CHN2: variants seen among roughly 807,000 people sequenced by gnomAD.
The protein encoded by CHN2 is beta-chimaerin.
CHN2 carries 35 observed loss-of-function variants against 56.3 expected under a neutral mutation model. That is an observed-to-expected ratio of 0.62 (90% CI 0.47 to 0.82). CHN2 has a LOEUF of 0.82. Ranked by LOEUF, CHN2 falls within the 40% of genes least tolerant of loss-of-function variation. CHN2 has a pLI of 0.00. For synonymous variants in CHN2, 210 were observed against 212.8 expected (o/e 0.99, Z 0.12); for missense variants, 491 against 580.5 (o/e 0.85, Z 1.58).
chr7:29,405,223 G>A (rs1047919787), intron 6 of CHN2, among the ~76,000 whole-genome samples: 6 of 44,592 alleles, frequency 1.3e-4, no homozygotes, highest in Admixed American at 2.3e-4. Flanking sequence ...ACACACACAC[G>A]GCAGTTCCAA....
chr7:29,459,841 T>G (rs1439654587), intron 6 of CHN2, among the ~76,000 whole-genome samples: 2 of 152,126 alleles, frequency 1.3e-5, no homozygotes, highest in Non-Finnish European at 2.9e-5. Flanking sequence ...AAAGCTTGTC[T>G]ATCGTTACCA....
At chr7:29,147,322 T>G in intron 2 of CHN2, 1 of 205,276 alleles carries the variant, frequency 4.9e-6, no homozygotes, top group Non-Finnish European at 9.8e-6. Flanking sequence ...TTCTGCACTG[T>G]CCCGGGCCAA....
chr7:29,339,758 C>T (rs574162146), intron 1 of CHN2, among the ~76,000 whole-genome samples: 1 of 151,744 alleles, frequency 6.6e-6, no homozygotes, highest in Non-Finnish European at 1.5e-5. Flanking sequence ...GAGGCTAAGG[C>T]AGGAGAATCA....
At chr7:29,254,124 C>T (rs1445032676) in intron 1 of CHN2, among the ~76,000 whole-genome samples, 3 of 152,130 alleles carry the variant, frequency 2.0e-5, no homozygotes, top group African/African-American at 4.8e-5. Context: ...AGGCTGGTTT[C>T]GAACTCCTGA....
chr7:29,262,094 G>A (rs1789601152), intron 1 of CHN2, among the ~76,000 whole-genome samples: 1 of 152,164 alleles, frequency 6.6e-6, no homozygotes, highest in Non-Finnish European at 1.5e-5. Context: ...CTTGAATCTG[G>A]AAGGCAGAGG....
intron 2 of CHN2, among the ~76,000 whole-genome samples, chr7:29,159,930 C>T (rs1794950124): frequency 6.6e-6 from 1 of 152,140 alleles, no homozygotes; most frequent in Admixed American, 6.5e-5. Context: ...TTAATTGTCC[C>T]CAAATGGCAT....
chr7:29,481,477 A>G (rs1291102470), intron 7 of CHN2, among the ~76,000 whole-genome samples: 1 of 152,168 alleles, frequency 6.6e-6, no homozygotes, highest in East Asian at 1.9e-4. Context: ...GTTTTTAGAA[A>G]GCCAGCAGCT....
At chr7:29,502,412 A>G (rs891909763) in intron 9 of CHN2, among the ~76,000 whole-genome samples, 12 of 152,200 alleles carry the variant, frequency 7.9e-5, no homozygotes, top group African/African-American at 2.4e-4. Flanking sequence ...CATTCCTTCA[A>G]GGCCACAGAA....
At chr7:29,263,905 C>T (rs1179993658) in intron 1 of CHN2, among the ~76,000 whole-genome samples, 3 of 151,348 alleles carry the variant, frequency 2.0e-5, no homozygotes, top group South Asian at 2.1e-4. Flanking sequence ...CGTCTCCGCC[C>T]GGCAGCCTCC....
chr7:29,278,920 C>CTTT (rs1347391560), intron 1 of CHN2, among the ~76,000 whole-genome samples: 1 of 152,168 alleles, frequency 6.6e-6, no homozygotes, highest in Non-Finnish European at 1.5e-5. Context: ...GACTGCCCTT[C>CTTT]ATGAACATGC....
chr7:29,147,075 A>G, intron 2 of CHN2: 2 of 1,411,432 alleles, frequency 1.4e-6, no homozygotes, highest in Admixed American at 4.4e-5. Context: ...CAATTGGGGG[A>G]CACAAACTAA....
At chr7:29,189,438 C>A (rs999049251) in intron 2 of CHN2, among the ~76,000 whole-genome samples, 1 of 152,078 alleles carries the variant, frequency 6.6e-6, no homozygotes, top group African/African-American at 2.4e-5. Context: ...ATAGGAACCC[C>A]CGCAGAAGAC....
intron 3 of CHN2, among the ~76,000 whole-genome samples, chr7:29,368,677 C>G (rs1263700879): frequency 6.6e-6 from 1 of 152,074 alleles, no homozygotes; most frequent in Non-Finnish European, 1.5e-5. Context: ...CCATGCATGC[C>G]TTATCAAGGG....
chr7:29,304,341 TAAGA>T (rs756831463), intron 1 of CHN2, among the ~76,000 whole-genome samples: 14 of 152,122 alleles, frequency 9.2e-5, no homozygotes, highest in Non-Finnish European at 1.5e-4. Context: ...AGCTGAGAGT[TAAGA>T]AACCAAAAAT....
chr7:29,224,372 AT>A (rs1296393781), intron 1 of CHN2, among the ~76,000 whole-genome samples: 1 of 152,232 alleles, frequency 6.6e-6, no homozygotes, highest in Non-Finnish European at 1.5e-5. Flanking sequence ...GTTAAGTTAT[AT>A]TCATAACTAA....
rs372327511 is a variant in CHN2, at chr7:29,242,535, C to T, written c.49+47545C>T. ...GCAGAATGGGCTTCTCAGTTTTTTA[C>T]GCATTTTTTTTTTCTTTCTAGAACT... On this transcript the variant is annotated intron_variant, in intron 1 of 12. Coordinates refer to ENST00000222792, the MANE Select transcript of CHN2 (RefSeq NM_004067.4). Among the ~76,000 whole-genome samples, 37 of 152,002 alleles carry T rather than the reference C, an allele frequency of 2.4e-4. 1 individual carries two copies. Among genetic ancestry groups the T allele is most frequent in the East Asian group, 5.8e-4 (3 of 5,176 alleles).
chr7:29,289,805 C>T lies in CHN2; in HGVS notation c.50-64820C>T, dbSNP rs73686719. ...ATGGCTACTTACATATGCATTTACC[C>T]GGAGGTTTGACTTTAAATGTTACCA... On this transcript the variant is annotated intron_variant, in intron 1 of 12. Transcript: ENST00000222792. Among the ~76,000 whole-genome samples the T allele has an allele frequency of 5.7e-3, 874 of 152,272 alleles. 4 individuals carry two copies. Among genetic ancestry groups the T allele is most frequent in the African/African-American group, 0.018 (758 of 41,560 alleles).
chr7:29,407,331 G>C, intron 6 of CHN2, among the ~76,000 whole-genome samples: 1 of 151,878 alleles, frequency 6.6e-6, no homozygotes, highest in East Asian at 1.9e-4. Context: ...CTGTGGAGGG[G>C]GTCTTGGTCC....
At chr7:29,157,749 C>T (rs1681976998) in intron 2 of CHN2, among the ~76,000 whole-genome samples, 1 of 152,134 alleles carries the variant, frequency 6.6e-6, no homozygotes, top group Admixed American at 6.5e-5. Flanking sequence ...TTTTCAATAA[C>T]ACTAAACTCA....
Sources: gnomAD v4.1 joint callset for allele counts (sites outside exome capture counted in the v4.1 genomes callset) on GRCh38, gnomAD v4.1.1 for gene constraint, MANE v1.5 for transcripts, NCBI Gene and HGNC (gene_info 2026-07-23, HGNC 2026-07-21) for gene names.